GRIK4: variants seen among roughly 807,000 people sequenced by gnomAD.
GRIK4 encodes the protein glutamate ionotropic receptor kainate type subunit 4, also known as glutamate receptor ionotropic, kainate 4.
Under a neutral mutation model 104.9 loss-of-function variants are expected in GRIK4, and 40 were observed. That is an observed-to-expected ratio of 0.38 (90% CI 0.30 to 0.50). GRIK4 has a LOEUF of 0.50. Ranked by LOEUF, GRIK4 falls within the 20% of genes least tolerant of loss-of-function variation. The pLI is 0.93. For synonymous variants in GRIK4, 485 were observed against 524.9 expected, an observed-to-expected ratio of 0.92 and a Z score of 1.04; for missense variants, 1,047 against 1,308.1, an observed-to-expected ratio of 0.80 and a Z score of 3.08.
intron 11 of GRIK4, among the ~76,000 whole-genome samples, chr11:120,883,961 G>A (rs1289477713): frequency 6.6e-6 from 1 of 152,214 alleles, no homozygotes; most frequent in Admixed American, 6.5e-5. Flanking sequence ...CTGATGGGAG[G>A]TGGGCCAGGC....
rs1942838105 is a variant in GRIK4 at position 120,905,172 on chromosome 11, A to C, written c.1273-118A>C. 1 of 753,108 alleles carries C rather than the reference A, an allele frequency of 1.3e-6. No individual in the cohort carries two copies. Among genetic ancestry groups the C allele is most frequent in the Non-Finnish European group, 2.4e-6 (1 of 419,950 alleles). The allele number at this position is 753,108 out of a possible 1,614,324, so 46.7% of individuals were successfully genotyped here. ...CCCAAAGTAGCCCATTACCCACGTC[A>C]GTTTCCTCCTTCTGCCCCATGTCCT... On this transcript the variant is annotated intron_variant, in intron 12 of 20. Coordinates refer to ENST00000527524, the MANE Select transcript of GRIK4 (RefSeq NM_014619.5). This position sits in a 1 kb window ranked among gnomAD's most constrained non-coding sequence, Gnocchi z 5.1.
chr11:120,638,889 C>T (rs931541413), intron 1 of GRIK4, among the ~76,000 whole-genome samples: 3 of 152,094 alleles, frequency 2.0e-5, no homozygotes, highest in African/African-American at 7.2e-5. Context: ...CTTGACCTTA[C>T]AAGAGCAGGG....
chr11:120,909,186 A>G (rs1049842426), intron 13 of GRIK4, among the ~76,000 whole-genome samples: 2 of 152,348 alleles, frequency 1.3e-5, no homozygotes, highest in African/African-American at 2.4e-5. Flanking sequence ...TTTGTGGGTC[A>G]GTAGAATGCA....
rs567457612 is a variant in GRIK4 at position 120,744,382 on chromosome 11, G to A, written c.83-58311G>A. ...TCCCTGGCCCTTGTCAATCATGTTA[G>A]CCTTTTTGCTGTTCATATGTTATAC... On this transcript the variant is annotated intron_variant, in intron 3 of 20. Coordinates refer to ENST00000527524, the MANE Select transcript of GRIK4 (RefSeq NM_014619.5). Among the ~76,000 whole-genome samples the A allele has an allele frequency of 3.3e-5, 5 of 152,300 alleles. No homozygotes were observed. The East Asian group carries it at 9.6e-4, about 29-fold the overall frequency.
At position 120,814,731 on chromosome 11, in the gene GRIK4, G is replaced by A. The variant is rs190394284; in HGVS notation, c.248-647G>A. On this transcript the variant is annotated intron_variant, in intron 4 of 20. Coordinates refer to ENST00000527524, the MANE Select transcript of GRIK4 (RefSeq NM_014619.5). ...GCCAGGCATGCTGGTCGGTCAGGACGGGACCTGCTCTACCTGGGGGAGGGA... is the reference window on the plus strand; with the variant it reads ...GCCAGGCATGCTGGTCGGTCAGGACAGGACCTGCTCTACCTGGGGGAGGGA... Among the ~76,000 whole-genome samples the A allele has an allele frequency of 4.1e-3, 628 of 152,320 alleles. 3 individuals are homozygous for A. The highest frequency in any genetic ancestry group is 0.017 in the Middle Eastern group (5 of 294).
chr11:120,628,007 T>C (rs1949282755), intron 1 of GRIK4, among the ~76,000 whole-genome samples: 1 of 152,190 alleles, frequency 6.6e-6, no homozygotes, highest in Admixed American at 6.5e-5. Flanking sequence ...ATGAAGATGG[T>C]GAGAGGCAAT....
At chr11:120,764,598 T>G (rs200799853) in intron 3 of GRIK4, among the ~76,000 whole-genome samples, 6 of 121,456 alleles carry the variant, frequency 4.9e-5, no homozygotes, top group Admixed American at 3.2e-4. Context: ...TTTGTTTTTG[T>G]TTTTTTTTTC....
At position 120,742,529 on chromosome 11, in the gene GRIK4, T is replaced by A. The variant is rs530753829; in HGVS notation, c.83-60164T>A. On this transcript the variant is annotated intron_variant, in intron 3 of 20. Coordinates refer to ENST00000527524, the MANE Select transcript of GRIK4 (RefSeq NM_014619.5). ...TATTATTATTATTATTATTATTATT[T>A]TTTTTTGAGATGGAGTCTTGCTCTT... Among the ~76,000 whole-genome samples the A allele has an allele frequency of 2.5e-3, 367 of 147,490 alleles. 1 individual carries two copies. Among genetic ancestry groups the A allele is most frequent in the Non-Finnish European group, 3.9e-3 (259 of 65,634 alleles).
At chr11:120,575,834 G>A (rs1256300025) in intron 1 of GRIK4, 1 of 152,132 alleles carries the variant, frequency 6.6e-6, no homozygotes, top group African/African-American at 2.4e-5. Context: ...GTGGTAGCAT[G>A]TGCCTGTAAT....
Position 120,926,865 on chromosome 11 carries a change from T to A in GRIK4, c.1477-13482T>A, listed in dbSNP as rs139876404. ...GGTAAATAAACAAGACAATTTCAGG[T>A]CATGATTTCCGCTGTGAAGAAAATA... On this transcript the variant is annotated intron_variant, in intron 13 of 20. Transcript: ENST00000527524. Among the ~76,000 whole-genome samples the A allele has an allele frequency of 3.2e-4, 49 of 152,270 alleles. No homozygotes were observed. The East Asian group carries it at 8.3e-3, about 26-fold the overall frequency.
chr11:120,904,226 G>A (rs1942814413), intron 12 of GRIK4, among the ~76,000 whole-genome samples: 1 of 152,108 alleles, frequency 6.6e-6, no homozygotes, highest in Non-Finnish European at 1.5e-5. Context: ...CACCCAGTGG[G>A]TCACTTCTGC....
At chr11:120,889,151 A>G (rs534011625) in intron 11 of GRIK4, among the ~76,000 whole-genome samples, 73 of 152,310 alleles carry the variant, frequency 4.8e-4, no homozygotes, top group Admixed American at 1.4e-3. Flanking sequence ...TTGCTTACTC[A>G]TGACTCAGTC....
chr11:120,729,140 A>G (rs1346027378), intron 3 of GRIK4, among the ~76,000 whole-genome samples: 5 of 152,122 alleles, frequency 3.3e-5, no homozygotes, highest in African/African-American at 1.2e-4. Context: ...TATGTACCAC[A>G]TTTTCTTTAT....
At chr11:120,811,144 G>A (rs1952821086) in intron 4 of GRIK4, among the ~76,000 whole-genome samples, 1 of 152,164 alleles carries the variant, frequency 6.6e-6, no homozygotes. Context: ...GAGATGGCAC[G>A]GTGGGAGAAG....
intron 5 of GRIK4, among the ~76,000 whole-genome samples, chr11:120,816,963 G>A (rs1434958148): frequency 6.6e-6 from 1 of 152,082 alleles, no homozygotes; most frequent in Non-Finnish European, 1.5e-5. Flanking sequence ...CTCCCAGGCC[G>A]TGGCCCAGGA....
intron 6 of GRIK4, among the ~76,000 whole-genome samples, chr11:120,831,588 G>A (rs1043014882): frequency 3.9e-5 from 6 of 152,312 alleles, no homozygotes; most frequent in African/African-American, 9.6e-5. Flanking sequence ...GGGAGCTTCC[G>A]TCTCTACCTT....
At chr11:120,759,815 C>CT (rs899715133) in intron 3 of GRIK4, among the ~76,000 whole-genome samples, 7 of 151,902 alleles carry the variant, frequency 4.6e-5, no homozygotes, top group South Asian at 2.1e-4. Context: ...GTTATGACTT[C>CT]TTTTTTTCCT....
intron 1 of GRIK4, among the ~76,000 whole-genome samples, chr11:120,651,856 C>T (rs533829668): frequency 6.6e-6 from 1 of 152,330 alleles, no homozygotes; most frequent in Non-Finnish European, 1.5e-5. Context: ...GTGCAGGTGA[C>T]CTGCTTGCAT....
intron 8 of GRIK4, among the ~76,000 whole-genome samples, chr11:120,837,549 G>A (rs1001752806): frequency 3.9e-5 from 6 of 152,072 alleles, no homozygotes; most frequent in African/African-American, 9.7e-5. Context: ...TATTATATGC[G>A]CGTAGCTTAA....
Sources: gnomAD v4.1 joint callset for allele counts (sites outside exome capture counted in the v4.1 genomes callset) on GRCh38, gnomAD v4.1.1 for gene constraint, Gnocchi (gnomAD v3.1) non-coding constraint, MANE v1.5 for transcripts, NCBI Gene and HGNC (gene_info 2026-07-23, HGNC 2026-07-21) for gene names.